Variants in DNAH17 observed in about 807,000 individuals in gnomAD.
The protein encoded by DNAH17 is axonemal beta dynein heavy chain 17.
DNAH17 carries 376 observed loss-of-function variants against 485.6 expected under a neutral mutation model. The observed-to-expected ratio is 0.77, with a 90% CI of 0.71 to 0.84. The LOEUF (loss-of-function observed/expected upper bound fraction) is 0.84, where lower values mean the gene tolerates loss of function less well. Ranked by LOEUF, DNAH17 falls within the 40% of genes least tolerant of loss-of-function variation. The pLI is 0.00. For synonymous variants in DNAH17, 3,031 were observed against 2,405.9 expected, an observed-to-expected ratio of 1.26 and a Z score of -7.60; for missense variants, 6,370 against 5,839.3, an observed-to-expected ratio of 1.09 and a Z score of -2.96.
Position 78,526,751 on chromosome 17 carries a change from G to T in DNAH17, c.3625-14C>A. On this transcript the variant is annotated splice_polypyrimidine_tract_variant and intron_variant, in intron 23 of 80. Transcript: ENST00000389840. ...ATGTTGCTTGAGCTGCGAGAGAAGAGTGCAAAGTACAGAGAGTCACGGGGC... is the reference window on the plus strand; with the variant it reads ...ATGTTGCTTGAGCTGCGAGAGAAGATTGCAAAGTACAGAGAGTCACGGGGC... 6.2e-7 allele frequency: 1 copy of T among 1,600,768 alleles called. No individual in the cohort carries two copies. The highest frequency in any genetic ancestry group is 8.5e-7 in the Non-Finnish European group (1 of 1,170,982).
At chr17:78,495,222 C>T in intron 38 of DNAH17, 125 bp from the exon 39 acceptor site, 1 of 1,280,334 alleles carries the variant, frequency 7.8e-7, no homozygotes, top group Non-Finnish European at 1.0e-6. Flanking sequence ...GAGTGTTGAA[C>T]CTTCGGTCCT....
chr17:78,451,808 C>T (rs1000242217), intron 65 of DNAH17, 135 bp from the exon 66 acceptor site: 4 of 683,958 alleles, frequency 5.8e-6, no homozygotes, highest in African/African-American at 5.5e-5. Flanking sequence ...CCTGGAAGAG[C>T]ACTGCACCTC....
rs548087787 is a variant in DNAH17 at position 78,537,239 on chromosome 17, A to G, written c.2859+60T>C. ...GAAGCCTTGCCGAGTTAGGGCGGCA[A>G]CACCAAATGGGGAAAGCAATGGATG... On this transcript the variant is annotated intron_variant, in intron 19 of 80. Coordinates refer to ENST00000389840, the MANE Select transcript of DNAH17 (RefSeq NM_173628.4). 286 of 1,507,228 alleles carry G rather than the reference A, an allele frequency of 1.9e-4. No individual in the cohort carries two copies. The African/African-American group carries it at 3.3e-3, about 17-fold the overall frequency. The allele number at this position is 1,507,228 out of a possible 1,614,324, so 93.4% of individuals were successfully genotyped here.
chr17:78,514,799 C>T lies in DNAH17; in HGVS notation c.4088G>A (p.Trp1363Ter), dbSNP rs1400984858. Residue 1363 changes from tryptophan to a stop codon, truncating the protein, a stop_gained, in exon 26 of 81, where the codon TGG becomes TAG. Coordinates refer to ENST00000389840, the MANE Select transcript of DNAH17 (RefSeq NM_173628.4). LOFTEE classifies it high-confidence loss of function. ...CTGGGTGGCCTGCATGAGCTGCTGC[C>T]AGTGGCGTTCCCGAATGGCAGGGTT... The part of the protein sequence containing the change: ...LQNPAIRERH[W>*]QQLMQATQVK... 2 of 1,613,998 alleles carry T rather than the reference C, an allele frequency of 1.2e-6. No homozygotes were observed. The highest frequency in any genetic ancestry group is 4.5e-5 in the East Asian group (2 of 44,882).
At chr17:78,510,295 C>A in intron 27 of DNAH17, 89 bp downstream of exon 27, 1 of 1,563,110 alleles carries the variant, frequency 6.4e-7, no homozygotes, top group Non-Finnish European at 8.7e-7. Context: ...CTTGGGGCTG[C>A]AGGACCCCTC....
chr17:78,452,590 T>G (rs981207876), intron 65 of DNAH17, among the ~76,000 whole-genome samples: 1 of 151,936 alleles, frequency 6.6e-6, no homozygotes, highest in East Asian at 1.9e-4. Flanking sequence ...ATACAAAAAT[T>G]AGCTGGGCAC....
In DNAH17 at chr17:78,486,251, G is replaced by A; in HGVS notation, c.7074C>T (p.Ala2358=). The change falls in exon 45 of 81, where the codon GCC becomes GCT. Residue 2358 remains alanine (A), a synonymous_variant. Coordinates refer to ENST00000389840, the MANE Select transcript of DNAH17 (RefSeq NM_173628.4). ...ELYFVFTCFW[A]FGGAMFQDQL... is the part of the protein sequence containing the mutation. ...GGTCCTGGAACATGGCGCCACCGAAGGCCCAGAAGCAGGTGAACACGAAGT... is the reference window on the plus strand; with the variant it reads ...GGTCCTGGAACATGGCGCCACCGAAAGCCCAGAAGCAGGTGAACACGAAGT... The A allele has an allele frequency of 1.3e-6, 2 of 1,595,062 alleles. No homozygotes were observed. The highest frequency in any genetic ancestry group is 2.2e-5 in the East Asian group (1 of 44,582).
At chr17:78,511,030 T>C (rs1568178824) in intron 26 of DNAH17, among the ~76,000 whole-genome samples, 1 of 152,080 alleles carries the variant, frequency 6.6e-6, no homozygotes, top group Non-Finnish European at 1.5e-5. Flanking sequence ...GGAAGGACCC[T>C]CCCCCGGAGC....
rs572234679 is a variant in DNAH17 at position 78,530,391 on chromosome 17, C to T, written c.3236G>A (p.Arg1079His). ...FKQALLSTIR[R>H]WGFMFKRHLS... ...GTGCCGCTTGAACATGAAGCCCCAG[C>T]GCCGGATTGTGCTGAGCAGGGCCTG... The change falls in exon 21 of 81, where the codon CGC becomes CAC. Residue 1079 changes from arginine to histidine, a missense_variant. Arg to His is a conservative substitution (Grantham distance 29, BLOSUM62 0). Coordinates refer to ENST00000389840, the MANE Select transcript of DNAH17 (RefSeq NM_173628.4). 4.0e-5 allele frequency: 64 copies of T among 1,613,334 alleles called. No individual in the cohort carries two copies. Among genetic ancestry groups the T allele is most frequent in the East Asian group, 2.0e-4 (9 of 44,864 alleles).
At chr17:78,439,296 A>G (rs1181109063) in intron 72 of DNAH17, 79 bp from the exon 73 acceptor site, 2 of 1,469,336 alleles carry the variant, frequency 1.4e-6, no homozygotes, top group South Asian at 1.3e-5. Context: ...ACAGCCAGGA[A>G]TTCCACATGC....
chr17:78,443,159 A>T (rs1198484642), intron 71 of DNAH17, among the ~76,000 whole-genome samples: 1 of 152,120 alleles, frequency 6.6e-6, no homozygotes, highest in Non-Finnish European at 1.5e-5. Context: ...CACACAGGCT[A>T]ACTTAGGCGA....
chr17:78,519,831 C>T (rs1249497856), intron 25 of DNAH17, among the ~76,000 whole-genome samples: 4 of 152,164 alleles, frequency 2.6e-5, no homozygotes, highest in South Asian at 2.1e-4. Context: ...TGGAAATGGC[C>T]GGGCATGGTG....
intron 72 of DNAH17, 29 bp downstream of exon 72, chr17:78,441,022 T>C (rs1284337867): frequency 6.4e-7 from 1 of 1,556,090 alleles, no homozygotes; most frequent in Admixed American, 1.9e-5. Flanking sequence ...ACTCCGTCTT[T>C]GAGAACATCA....
At chr17:78,458,763 T>C in intron 61 of DNAH17, 83 bp from the exon 62 acceptor site, 1 of 1,288,440 alleles carries the variant, frequency 7.8e-7, no homozygotes, top group South Asian at 1.2e-5. Context: ...CTGGGCCCTG[T>C]GAGCGCTGAG....
chr17:78,466,829 G>A lies in DNAH17; in HGVS notation c.8779-13C>T, dbSNP rs1015002317. The A allele has an allele frequency of 7.0e-6, 11 of 1,562,946 alleles. No individual in the cohort carries two copies. The highest frequency in any genetic ancestry group is 1.2e-5 in the South Asian group (1 of 84,274). ...AACACAGGATCACCTGGGTGTGGGA[G>A]ACACAGATGCGCTGCCTACTGGGAC... On this transcript the variant is annotated splice_polypyrimidine_tract_variant and intron_variant, in intron 55 of 80. Transcript: ENST00000389840.
intron 75 of DNAH17, among the ~76,000 whole-genome samples, chr17:78,430,489 C>T (rs1312253988): frequency 6.6e-6 from 1 of 152,190 alleles, no homozygotes; most frequent in Non-Finnish European, 1.5e-5. Flanking sequence ...GAGCTGTCAT[C>T]AAATACCAGT....
At chr17:78,563,833 G>A (rs1445663244) in intron 11 of DNAH17, among the ~76,000 whole-genome samples, 1 of 152,116 alleles carries the variant, frequency 6.6e-6, no homozygotes, top group East Asian at 1.9e-4. Context: ...TCAAACCAGG[G>A]GGAAAATGTT....
intron 58 of DNAH17, among the ~76,000 whole-genome samples, chr17:78,461,025 A>G (rs2088094093): frequency 1.3e-5 from 2 of 152,016 alleles, no homozygotes; most frequent in African/African-American, 2.4e-5. Flanking sequence ...GGCTCCAAAG[A>G]TGATGAAGAC....
chr17:78,552,969 G>A (rs1015213013), intron 14 of DNAH17, among the ~76,000 whole-genome samples, 164 bp from the exon 15 acceptor site: 9 of 152,134 alleles, frequency 5.9e-5, no homozygotes, highest in African/African-American at 2.2e-4. Flanking sequence ...GGTGGGGCCT[G>A]GTGGGAGGTG....
Sources: gnomAD v4.1 joint callset for allele counts (sites outside exome capture counted in the v4.1 genomes callset) on GRCh38, gnomAD v4.1.1 for gene constraint, MANE v1.5 for transcripts, NCBI Gene and HGNC (gene_info 2026-07-23, HGNC 2026-07-21) for gene names.